The following PEMT variants were observed in gnomAD, a reference collection of about 807,000 sequenced individuals.
PEMT encodes phospholipid methyltransferase.
PEMT carries 23 observed loss-of-function variants against 27.4 expected under a neutral mutation model. The observed-to-expected ratio is 0.84, with a 90% CI of 0.60 to 1.19. The LOEUF is 1.19. Among genes scored for constraint, PEMT ranks in the 50% most tolerant of loss-of-function variants. PEMT has a pLI of 0.00. For missense variants in PEMT, 307 were observed against 310.1 expected (o/e 0.99, Z 0.07); for synonymous variants, 137 against 139.1 (o/e 0.98, Z 0.11).
upstream of PEMT, chr17:17,592,073 C>T (rs1186501934): frequency 2.0e-6 from 2 of 985,336 alleles, no homozygotes. Context: ...TGGACTTGGC[C>T]CGGGTCACAC....
At chr17:17,543,455 C>T (rs546464283) in intron 2 of PEMT, among the ~76,000 whole-genome samples, 3 of 152,206 alleles carry the variant, frequency 2.0e-5, no homozygotes, top group Admixed American at 6.5e-5. Flanking sequence ...GAAGGGGCCA[C>T]GGAAGGCAGC....
chr17:17,538,779 A>G (rs1311624704), intron 2 of PEMT, among the ~76,000 whole-genome samples: 1 of 152,238 alleles, frequency 6.6e-6, no homozygotes, highest in African/African-American at 2.4e-5. Context: ...TTAACCAAAT[A>G]TAGCACAAAG....
At chr17:17,591,139 C>T (rs542117206) in intron 1 of PEMT, among the ~76,000 whole-genome samples, 1 of 152,292 alleles carries the variant, frequency 6.6e-6, no homozygotes, top group South Asian at 2.1e-4. Context: ...CAGTCACACA[C>T]AGCCTCGGTC....
At chr17:17,519,535 T>C (rs1907110592) in intron 3 of PEMT, among the ~76,000 whole-genome samples, 1 of 152,142 alleles carries the variant, frequency 6.6e-6, no homozygotes, top group African/African-American at 2.4e-5. Context: ...AGTGCTTTGC[T>C]GCTGTCTACG....
In PEMT at chr17:17,509,243, T is replaced by G. The variant is rs70965414; in HGVS notation, c.578+191A>C. ...TTTGGAGAAGCTGACCACCCTGTTC[T>G]GGGATGTTGTTTCTGTTACCATAGA... On this transcript the variant is annotated intron_variant, in intron 5 of 6. Transcript: ENST00000255389. 9.7e-3 allele frequency among the ~76,000 whole-genome samples: 1,476 copies of G among 152,350 alleles called. 31 individuals carry two copies. Among genetic ancestry groups the G allele is most frequent in the African/African-American group, 0.033 (1,382 of 41,576 alleles).
At chr17:17,514,793 A>G (rs1334334077) in intron 3 of PEMT, among the ~76,000 whole-genome samples, 1 of 152,226 alleles carries the variant, frequency 6.6e-6, no homozygotes, top group East Asian at 1.9e-4. Context: ...TGGGAGGGAA[A>G]GGAAGGGTGC....
intron 3 of PEMT, among the ~76,000 whole-genome samples, chr17:17,520,359 T>C (rs548751302): frequency 6.6e-6 from 1 of 152,334 alleles, no homozygotes; most frequent in East Asian, 1.9e-4. Context: ...GCCAGGTTCC[T>C]CTGGCCTAAA....
At chr17:17,507,311 C>G in intron 5 of PEMT, 1 of 843,910 alleles carries the variant, frequency 1.2e-6, no homozygotes, top group Non-Finnish European at 1.9e-6. Context: ...GGGCTGTGCC[C>G]TCCTTGGCTG....
At chr17:17,516,987 T>C (rs1013957270) in intron 3 of PEMT, among the ~76,000 whole-genome samples, 1 of 152,052 alleles carries the variant, frequency 6.6e-6, no homozygotes, top group African/African-American at 2.4e-5. Flanking sequence ...AAAAGGGAGG[T>C]GACCCTGGGT....
At chr17:17,584,147 C>T (rs540242231) in intron 1 of PEMT, among the ~76,000 whole-genome samples, 1 of 152,032 alleles carries the variant, frequency 6.6e-6, no homozygotes, top group Non-Finnish European at 1.5e-5. Flanking sequence ...GTGAGCTTCA[C>T]CCCATTTTCT....
intron 2 of PEMT, among the ~76,000 whole-genome samples, chr17:17,572,968 C>A (rs1286007513): frequency 6.6e-6 from 1 of 152,004 alleles, no homozygotes; most frequent in East Asian, 1.9e-4. Context: ...GCGGGCAGAT[C>A]ACCTGAGGTC....
chr17:17,511,950 AC>A, intron 4 of PEMT, among the ~76,000 whole-genome samples: 1 of 152,154 alleles, frequency 6.6e-6, no homozygotes, highest in Middle Eastern at 3.4e-3. Context: ...GCCTGAAAGC[AC>A]CTCAGCCACA....
chr17:17,558,720 G>A (rs1000213085), intron 2 of PEMT, among the ~76,000 whole-genome samples: 2 of 150,018 alleles, frequency 1.3e-5, no homozygotes, highest in East Asian at 3.9e-4. Context: ...GGGCAGCAGA[G>A]TGGACCGGAG....
At chr17:17,572,103 C>T (rs748922822) in intron 2 of PEMT, among the ~76,000 whole-genome samples, 2 of 152,224 alleles carry the variant, frequency 1.3e-5, no homozygotes, top group East Asian at 1.9e-4. Context: ...GGGCAGCCAA[C>T]GGCCTTGCCT....
intron 1 of PEMT, among the ~76,000 whole-genome samples, chr17:17,588,717 C>G (rs1004123250): frequency 6.6e-6 from 1 of 152,184 alleles, no homozygotes; most frequent in Non-Finnish European, 1.5e-5. Flanking sequence ...GGTGCCCGCA[C>G]CCCTAGGCCC....
At chr17:17,519,204 G>A (rs1257195083) in intron 3 of PEMT, 1 of 152,278 alleles carries the variant, frequency 6.6e-6, no homozygotes, top group Non-Finnish European at 1.5e-5. Context: ...GGTCACCAGG[G>A]ACATGGCAGG....
Position 17,506,117 on chromosome 17 carries a change from G to C in PEMT, c.653+110C>G, listed in dbSNP as rs1905813265. 3 of 1,069,802 alleles carry C rather than the reference G, an allele frequency of 2.8e-6. No individual in the cohort carries two copies. In the East Asian group the frequency reaches 7.9e-5, roughly 28 times the overall value. 66.3% of individuals were successfully genotyped at this position (1,069,802 alleles called of 1,614,324 possible). ...GACCTGGGAGCCCTGGAGTGGGCCT[G>C]GCTGACGGCAGCCTGTCCTGAGCCT... On this transcript the variant is annotated intron_variant, in intron 6 of 6. Transcript: ENST00000255389.
At chr17:17,539,387 C>T (rs1908718868) in intron 2 of PEMT, among the ~76,000 whole-genome samples, 1 of 152,200 alleles carries the variant, frequency 6.6e-6, no homozygotes, top group African/African-American at 2.4e-5. Flanking sequence ...TGTCCCACCC[C>T]AGACACTCCT....
intron 1 of PEMT, chr17:17,578,829 T>C (rs1396896592): frequency 6.6e-6 from 1 of 152,072 alleles, no homozygotes; most frequent in Non-Finnish European, 1.5e-5. Context: ...CTAAGGTAGA[T>C]GATGGGTTGA....
Sources: gnomAD v4.1 joint callset for allele counts (sites outside exome capture counted in the v4.1 genomes callset) on GRCh38, gnomAD v4.1.1 for gene constraint, MANE v1.5 for transcripts, NCBI Gene and HGNC (gene_info 2026-07-23, HGNC 2026-07-21) for gene names.